The following ANGPT1 variants were observed in gnomAD, a reference collection of about 807,000 sequenced individuals.
ANGPT1 encodes the protein angiopoietin-1.
Under a neutral mutation model 62.2 loss-of-function variants are expected in ANGPT1, and 17 were observed. That is an observed-to-expected ratio of 0.27 (90% CI 0.19 to 0.41). The LOEUF is 0.41. Among genes scored for constraint, ANGPT1 ranks in the 10% least tolerant of loss-of-function variants. The pLI, the probability that ANGPT1 is intolerant of heterozygous loss-of-function variation, is 1.00. For synonymous variants in ANGPT1, 199 were observed against 198.9 expected (o/e 1.00, Z 0.00); for missense variants, 478 against 594.9 (o/e 0.80, Z 2.04).
At chr8:107,453,229 T>C (rs1811824101) in intron 1 of ANGPT1, among the ~76,000 whole-genome samples, 1 of 152,102 alleles carries the variant, frequency 6.6e-6, no homozygotes, top group Admixed American at 6.6e-5. Context: ...TTTCTAAGAA[T>C]TCTGACTAAA....
At chr8:107,399,523 A>T (rs1243839580) in intron 1 of ANGPT1, among the ~76,000 whole-genome samples, 1 of 152,178 alleles carries the variant, frequency 6.6e-6, no homozygotes, top group Non-Finnish European at 1.5e-5. Flanking sequence ...TTGACCCATT[A>T]AAAACGCATC....
rs189529100 is a variant in ANGPT1, at chr8:107,481,685, G to A, written c.297+15577C>T. Among the ~76,000 whole-genome samples the A allele has an allele frequency of 4.6e-3, 705 of 152,204 alleles. 1 individual carries two copies. Among genetic ancestry groups the A allele is most frequent in the Non-Finnish European group, 8.7e-3 (589 of 68,028 alleles). On this transcript the variant is annotated intron_variant, in intron 1 of 8. Coordinates refer to ENST00000517746, the MANE Select transcript of ANGPT1 (RefSeq NM_001146.5). The stretch of plus-strand genomic sequence containing the variant: ...ACTGACCCGCAGTTCCCAGTGTCTG[G>A]GGGGAGGCCTCAGGAAACTTACAAT...
At chr8:107,361,822 G>A (rs1331257044) in intron 1 of ANGPT1, among the ~76,000 whole-genome samples, 1 of 152,012 alleles carries the variant, frequency 6.6e-6, no homozygotes, top group Non-Finnish European at 1.5e-5. Context: ...ATTTTGGAAG[G>A]CCAAGACAGG....
chr8:107,276,394 C>T (rs1425042302), intron 7 of ANGPT1, among the ~76,000 whole-genome samples: 7 of 152,016 alleles, frequency 4.6e-5, no homozygotes, highest in African/African-American at 1.7e-4. Flanking sequence ...AATAACTTTC[C>T]TCTTAGTATT....
intron 1 of ANGPT1, among the ~76,000 whole-genome samples, chr8:107,390,921 A>G (rs1816822333): frequency 1.3e-5 from 2 of 152,064 alleles, no homozygotes; most frequent in Non-Finnish European, 2.9e-5. Context: ...TTATCCCTTC[A>G]TTATTAAAAC....
intron 1 of ANGPT1, among the ~76,000 whole-genome samples, chr8:107,381,246 A>T (rs1234590589): frequency 6.6e-6 from 1 of 152,220 alleles, no homozygotes; most frequent in Non-Finnish European, 1.5e-5. Flanking sequence ...CAAGTCAAAC[A>T]GAAATTTCAG....
intron 1 of ANGPT1, among the ~76,000 whole-genome samples, chr8:107,353,699 G>A (rs1815980791): frequency 6.6e-6 from 1 of 152,100 alleles, no homozygotes. Context: ...CCCTGTGTCA[G>A]TTCAGTTTAG....
chr8:107,307,221 C>T (rs1193176887), intron 4 of ANGPT1, among the ~76,000 whole-genome samples: 1 of 152,008 alleles, frequency 6.6e-6, no homozygotes, highest in Non-Finnish European at 1.5e-5. Flanking sequence ...TTCTTAGCCT[C>T]GATCCCAGAG....
rs931933669 is a variant in ANGPT1 at position 107,407,252 on chromosome 8, A to T, written c.298-60155T>A. Reference sequence around the variant, plus strand: ...GATGGAGAGGGCAGATCAAAACAGAACTCAATGTAGACCATGTTTTTTTTT... The same window carrying T: ...GATGGAGAGGGCAGATCAAAACAGATCTCAATGTAGACCATGTTTTTTTTT... On this transcript the variant is annotated intron_variant, in intron 1 of 8. Coordinates refer to ENST00000517746, the MANE Select transcript of ANGPT1 (RefSeq NM_001146.5). 1.2e-4 allele frequency among the ~76,000 whole-genome samples: 17 copies of T among 136,108 alleles called. No homozygotes were observed. In the Admixed American group the frequency reaches 1.4e-3, roughly 11 times the overall value. 89.3% of individuals were successfully genotyped at this position (136,108 alleles called of 152,430 possible).
intron 1 of ANGPT1, among the ~76,000 whole-genome samples, chr8:107,431,617 T>C (rs1212834452): frequency 6.6e-6 from 1 of 152,206 alleles, no homozygotes; most frequent in Non-Finnish European, 1.5e-5. Flanking sequence ...CTGTGACGTC[T>C]TTCCTGCCTT....
intron 4 of ANGPT1, among the ~76,000 whole-genome samples, chr8:107,317,388 C>T (rs1815038741): frequency 6.6e-6 from 1 of 152,194 alleles, no homozygotes; most frequent in African/African-American, 2.4e-5. Flanking sequence ...GAACCACATC[C>T]TGCTACAGCA....
At chr8:107,340,601 A>G (rs1200026129) in intron 2 of ANGPT1, among the ~76,000 whole-genome samples, 1 of 151,866 alleles carries the variant, frequency 6.6e-6, no homozygotes, top group African/African-American at 2.4e-5. Context: ...ATGCAGTGGC[A>G]TGACCACAGT....
rs1300016403 is a variant in ANGPT1, at chr8:107,264,258, G to A, written c.1299C>T (p.Asp433=). ...TGAGGGCACATTTGCACATACAGTT[G>A]TCATTATCAGCATCTTTAGTGCTGA... The part of the protein sequence containing the change: ...ADFSTKDADN[D]NCMCKCALML... Residue 433 remains aspartate (D), a synonymous_variant, in exon 8 of 9, where the codon GAC becomes GAT. Transcript: ENST00000517746. The A allele has an allele frequency of 1.9e-6, 3 of 1,613,898 alleles. No individual in the cohort carries two copies. In the South Asian group the frequency reaches 3.3e-5, roughly 18 times the overall value.
intron 3 of ANGPT1, among the ~76,000 whole-genome samples, chr8:107,334,129 T>G (rs561311320): frequency 6.6e-6 from 1 of 151,980 alleles, no homozygotes; most frequent in African/African-American, 2.4e-5. Context: ...GTTTTGCAGT[T>G]AGGGAGGAGA....
At chr8:107,447,837 A>G (rs1811660274) in intron 1 of ANGPT1, among the ~76,000 whole-genome samples, 1 of 152,218 alleles carries the variant, frequency 6.6e-6, no homozygotes, top group Non-Finnish European at 1.5e-5. Context: ...CACACAATCC[A>G]CAAAAGCAGA....
chr8:107,372,553 A>C, intron 1 of ANGPT1, among the ~76,000 whole-genome samples: 1 of 152,050 alleles, frequency 6.6e-6, no homozygotes, highest in East Asian at 1.9e-4. Context: ...CAGATAACTA[A>C]GATTTGGCCA....
intron 1 of ANGPT1, among the ~76,000 whole-genome samples, chr8:107,348,947 C>T (rs775062696): frequency 2.0e-5 from 3 of 152,106 alleles, no homozygotes; most frequent in African/African-American, 2.4e-5. Flanking sequence ...ACAAGCAAGG[C>T]CATTAGCCTC....
intron 1 of ANGPT1, among the ~76,000 whole-genome samples, chr8:107,352,479 G>A (rs181623892): frequency 5.9e-5 from 9 of 152,240 alleles, no homozygotes; most frequent in Admixed American, 2.6e-4. Flanking sequence ...CATCATGAGA[G>A]AGAATTTTGG....
At chr8:107,471,059 G>T (rs566651909) in intron 1 of ANGPT1, among the ~76,000 whole-genome samples, 4 of 152,136 alleles carry the variant, frequency 2.6e-5, no homozygotes, top group African/African-American at 7.2e-5. Context: ...GATACCCAAA[G>T]ATTATAAATC....
Sources: allele counts gnomAD v4.1 joint callset (sites outside exome capture counted in the v4.1 genomes callset), GRCh38; gene constraint gnomAD v4.1.1; transcripts MANE v1.5; gene names NCBI Gene and HGNC (gene_info 2026-07-23, HGNC 2026-07-21).